The following CADM2 variants were observed in gnomAD, a reference collection of about 807,000 sequenced individuals.
CADM2 encodes the protein cell adhesion molecule 2.
CADM2 carries 12 observed loss-of-function variants against 49.8 expected under a neutral mutation model. The observed-to-expected ratio is 0.24, with a 90% CI of 0.15 to 0.39. The LOEUF (loss-of-function observed/expected upper bound fraction) is 0.39. Among genes scored for constraint, CADM2 ranks in the 10% least tolerant of loss-of-function variants. The probability of loss-of-function intolerance (pLI) is 1.00; values close to 1 mark genes in which losing one functional copy is unlikely to be tolerated. For missense variants in CADM2, 378 were observed against 492.3 expected (o/e 0.77, Z 2.20); for synonymous variants, 214 against 175.4 (o/e 1.22, Z -1.74).
chr3:85,769,274 CATATATACATATATAGTATATATACACGT>C (rs1559644009), intron 2 of CADM2, among the ~76,000 whole-genome samples: 1 of 119,874 alleles, frequency 8.3e-6, no homozygotes, highest in African/African-American at 3.3e-5. Flanking sequence ...CACATATATA[CATATATACATATATAGTATATATACACGT>C]ATATACATAT....
intron 8 of CADM2, among the ~76,000 whole-genome samples, chr3:85,982,255 G>C (rs567205116): frequency 6.6e-6 from 1 of 151,382 alleles, no homozygotes; most frequent in South Asian, 2.1e-4. Flanking sequence ...ACATGTTTTT[G>C]TAAACTTTAC....
At chr3:85,729,184 A>T (rs1231571803) in intron 2 of CADM2, among the ~76,000 whole-genome samples, 1 of 152,078 alleles carries the variant, frequency 6.6e-6, no homozygotes, top group Non-Finnish European at 1.5e-5. Context: ...GTGGCACTGT[A>T]CATACTTCAT....
intron 1 of CADM2, among the ~76,000 whole-genome samples, chr3:85,294,326 G>T (rs1285658747): frequency 6.6e-6 from 1 of 152,070 alleles, no homozygotes; most frequent in Non-Finnish European, 1.5e-5. Flanking sequence ...TATGCTCATA[G>T]GTAGGAAGAA....
At chr3:85,446,576 G>C (rs916100867) in intron 1 of CADM2, among the ~76,000 whole-genome samples, 1 of 149,896 alleles carries the variant, frequency 6.7e-6, no homozygotes, top group East Asian at 2.0e-4. Flanking sequence ...TTTTATAAAA[G>C]TGTGTGTGTG....
At chr3:85,063,373 G>T (rs770869832) in intron 1 of CADM2, among the ~76,000 whole-genome samples, 2 of 151,590 alleles carry the variant, frequency 1.3e-5, no homozygotes, top group Non-Finnish European at 2.9e-5. Context: ...GATGATCCAC[G>T]GCAAGAAAAC....
intron 1 of CADM2, among the ~76,000 whole-genome samples, chr3:85,430,369 G>A (rs1361576558): frequency 6.6e-6 from 1 of 151,944 alleles, no homozygotes; most frequent in Non-Finnish European, 1.5e-5. Flanking sequence ...ATGAAAGGAG[G>A]CTGGGCACAA....
chr3:85,266,922 T>G (rs1038498504), intron 1 of CADM2, among the ~76,000 whole-genome samples: 1 of 151,846 alleles, frequency 6.6e-6, no homozygotes, highest in Non-Finnish European at 1.5e-5. Context: ...ACAGCAGTAC[T>G]CTAATTATGT....
chr3:85,283,653 A>G (rs76744897), intron 1 of CADM2, among the ~76,000 whole-genome samples: 1 of 152,092 alleles, frequency 6.6e-6, no homozygotes, highest in Non-Finnish European at 1.5e-5. Context: ...CATCAGTGCT[A>G]TGACTCTTTA....
chr3:86,037,391 C>T (rs187167195), intron 8 of CADM2, among the ~76,000 whole-genome samples: 21 of 152,232 alleles, frequency 1.4e-4, no homozygotes, highest in Non-Finnish European at 2.6e-4. Flanking sequence ...AACAGTTTAT[C>T]CACATGTGCC....
chr3:85,893,337 A>G (rs1332288156), intron 5 of CADM2, among the ~76,000 whole-genome samples: 1 of 152,180 alleles, frequency 6.6e-6, no homozygotes, highest in Non-Finnish European at 1.5e-5. Flanking sequence ...CCTTATACAA[A>G]AATTAATTCA....
intron 1 of CADM2, among the ~76,000 whole-genome samples, chr3:85,581,288 TATG>T (rs2062788940): frequency 6.6e-6 from 1 of 152,118 alleles, no homozygotes; most frequent in African/African-American, 2.4e-5. Flanking sequence ...CATAAATATT[TATG>T]ATATCTATTT....
chr3:85,004,470 T>C (rs1362267364), intron 1 of CADM2, among the ~76,000 whole-genome samples: 2 of 152,180 alleles, frequency 1.3e-5, no homozygotes, highest in Admixed American at 6.6e-5. Flanking sequence ...ATAAGTCATT[T>C]AGAAAAGTAA....
chr3:85,332,623 A>G lies in CADM2; in HGVS notation c.61+372955A>G, dbSNP rs571732449. The stretch of plus-strand genomic sequence containing the variant: ...TGTATTATGTAAAAATGAAATATAC[A>G]TATATTTAAGTGAATAATCCACTTC... On this transcript the variant is annotated intron_variant, in intron 1 of 9. Transcript: ENST00000383699. Among the ~76,000 whole-genome samples, 7 of 152,108 alleles carry G rather than the reference A, an allele frequency of 4.6e-5. No homozygotes were observed. In the East Asian group the frequency reaches 1.2e-3, roughly 25 times the overall value.
chr3:86,033,836 T>G (rs1433293393), intron 8 of CADM2, among the ~76,000 whole-genome samples: 1 of 147,410 alleles, frequency 6.8e-6, no homozygotes, highest in African/African-American at 2.5e-5. Context: ...ATTTATATAC[T>G]GATGATAATT....
chr3:85,857,361 A>AG (rs1227482862), intron 3 of CADM2, among the ~76,000 whole-genome samples: 1 of 152,166 alleles, frequency 6.6e-6, no homozygotes, highest in Non-Finnish European at 1.5e-5. Context: ...ACTAGTCAAA[A>AG]TGTCCCAATA....
intron 1 of CADM2, among the ~76,000 whole-genome samples, chr3:85,277,743 A>G (rs2043392722): frequency 6.6e-6 from 1 of 151,304 alleles, no homozygotes; most frequent in African/African-American, 2.4e-5. Flanking sequence ...TATTTAAGTG[A>G]TCAAATTTAT....
intron 1 of CADM2, among the ~76,000 whole-genome samples, chr3:85,649,905 G>A (rs745743501): frequency 6.6e-6 from 1 of 152,112 alleles, no homozygotes; most frequent in Non-Finnish European, 1.5e-5. Flanking sequence ...GGAAGTGTGT[G>A]GAAGAGGATT....
intron 1 of CADM2, among the ~76,000 whole-genome samples, chr3:85,401,286 A>C (rs1357568788): frequency 1.3e-5 from 2 of 152,146 alleles, no homozygotes; most frequent in Non-Finnish European, 2.9e-5. Context: ...CACTCATGGC[A>C]GTGTCTTAGT....
intron 1 of CADM2, among the ~76,000 whole-genome samples, chr3:84,996,898 G>A (rs1028210926): frequency 2.0e-5 from 3 of 151,964 alleles, no homozygotes; most frequent in Non-Finnish European, 4.4e-5. Context: ...AATATAGAGG[G>A]GAACAATTAA....
Sources: allele counts gnomAD v4.1 joint callset (sites outside exome capture counted in the v4.1 genomes callset), GRCh38; gene constraint gnomAD v4.1.1; transcripts MANE v1.5; gene names NCBI Gene and HGNC (gene_info 2026-07-23, HGNC 2026-07-21).